Variants in TF observed in about 807,000 individuals in gnomAD.
TF encodes the protein serotransferrin.
In TF, 55 loss-of-function variants were observed where a neutral mutation model predicts 82.4. The ratio of observed to expected loss-of-function variants is 0.67; its 90% confidence interval spans 0.54 to 0.84. The LOEUF (loss-of-function observed/expected upper bound fraction) is 0.84. TF is among the 40% of genes least tolerant of loss of function. The probability of loss-of-function intolerance (pLI) is 0.00; values close to 1 mark genes in which losing one functional copy is unlikely to be tolerated. For synonymous variants in TF, 332 were observed against 332.6 expected (o/e 1.00, Z 0.02); for missense variants, 737 against 868.4 (o/e 0.85, Z 1.90).
At chr3:133,723,542 T>C in the TF span, among the ~76,000 whole-genome samples, 1 of 149,868 alleles carries the variant, frequency 6.7e-6, no homozygotes, top group Non-Finnish European at 1.5e-5. Flanking sequence ...AGAACTTCTT[T>C]CTTTTGCTTG....
At chr3:133,729,129 A>C in the TF span, among the ~76,000 whole-genome samples, 55 of 152,316 alleles carry the variant, frequency 3.6e-4, no homozygotes, top group Middle Eastern at 3.4e-3. Flanking sequence ...TTGAGGAGGC[A>C]GTCTGTCCAT....
rs546375413 is a variant in TF at position 133,788,068 on chromosome 3, G to A, written c.*9448G>A. Reference sequence around the variant, plus strand: ...GAAGACAGTTTAAGATAAACCATGTGTGTAGTTTATTCAACCCTACTGATG... The same window carrying A: ...GAAGACAGTTTAAGATAAACCATGTATGTAGTTTATTCAACCCTACTGATG... On this transcript the variant is annotated 3_prime_UTR_variant, in exon 17 of 17. Transcript: ENST00000402696. 1 of 152,322 alleles carries A rather than the reference G, an allele frequency of 6.6e-6. No individual in the cohort carries two copies. The highest frequency in any genetic ancestry group is 6.5e-5 in the Admixed American group (1 of 15,306). The allele number at this position is 152,322 out of a possible 1,614,324, so 9.4% of individuals were successfully genotyped here.
rs59182057 is a variant in TF, at chr3:133,793,499, G to GA, written c.*14886dup. On this transcript the variant is annotated 3_prime_UTR_variant, in exon 17 of 17. Coordinates refer to ENST00000402696, the MANE Select transcript of TF (RefSeq NM_001063.4). ...ATTACATGGGAAGCATTGTCAAAAA[G>GA]AAAAAAATTTAATCTTCTTCAGGTT... is the stretch of plus-strand genomic sequence containing the variant. The GA allele has an allele frequency of 1.3e-5, 2 of 151,786 alleles. No individual in the cohort carries two copies. Among genetic ancestry groups the GA allele is most frequent in the African/African-American group, 4.8e-5 (2 of 41,286 alleles). 9.4% of individuals were successfully genotyped at this position (151,786 alleles called of 1,614,324 possible).
chr3:133,667,022 C>T, the TF span, among the ~76,000 whole-genome samples: 42 of 149,614 alleles, frequency 2.8e-4, 1 homozygote, highest in African/African-American at 6.4e-4. Context: ...GGCAGCAGAG[C>T]GAGACACTGT....
In TF at chr3:133,759,284, G is replaced by C. The variant is rs564672147; in HGVS notation, c.1158G>C (p.Glu386Asp). Residue 386 changes from glutamate to aspartate, a missense_variant, in exon 9 of 17, where the codon GAG becomes GAC. Glu to Asp is a conservative substitution (Grantham distance 45). Coordinates refer to ENST00000402696, the MANE Select transcript of TF (RefSeq NM_001063.4). ...EWSVNSVGKIECVSAETTEDC... is the reference protein window; with the variant it reads ...EWSVNSVGKIDCVSAETTEDC... ...GTGTTAACAGTGTAGGGAAAATAGA[G>C]TGTGTATCAGCAGAGACCACCGAAG... is the stretch of plus-strand genomic sequence containing the variant. 1 of 1,613,774 alleles carries C rather than the reference G, an allele frequency of 6.2e-7. No individual in the cohort carries two copies. Among genetic ancestry groups the C allele is most frequent in the South Asian group, 1.1e-5 (1 of 91,036 alleles).
In TF at chr3:133,783,466, G is replaced by A. The variant is rs1259944418; in HGVS notation, c.*4846G>A. 6.6e-6 allele frequency: 1 copy of A among 151,948 alleles called. No homozygotes were observed. Among genetic ancestry groups the A allele is most frequent in the Non-Finnish European group, 1.5e-5 (1 of 67,978 alleles). 9.4% of individuals were successfully genotyped at this position (151,948 alleles called of 1,614,324 possible). A position where few individuals can be genotyped will look rare whatever the true frequency, so the allele number is the denominator to read the frequency against. ...AGTAAAAACTTTCGAAACGTATAAA[G>A]GTTTAAATATAAAATTAAAATCGTA... On this transcript the variant is annotated 3_prime_UTR_variant, in exon 17 of 17. Transcript: ENST00000402696.
At chr3:133,771,678 A>G (rs1375039024) in intron 14 of TF, among the ~76,000 whole-genome samples, 1 of 137,556 alleles carries the variant, frequency 7.3e-6, no homozygotes, top group African/African-American at 2.8e-5. Flanking sequence ...CGGAGCTTGC[A>G]GTGAGCCGAG....
chr3:133,766,005 A>G (rs41295802), intron 11 of TF, among the ~76,000 whole-genome samples: 19 of 152,350 alleles, frequency 1.2e-4, no homozygotes, highest in African/African-American at 4.3e-4. Context: ...GCTGGCTTAT[A>G]ACTTCAGTGA....
At chr3:133,711,060 G>A in the TF span, among the ~76,000 whole-genome samples, 1 of 152,244 alleles carries the variant, frequency 6.6e-6, no homozygotes, top group South Asian at 2.1e-4. Flanking sequence ...ATATCTCCTG[G>A]CTTTTATGAA....
the TF span, among the ~76,000 whole-genome samples, chr3:133,736,631 C>CAAAAAAGCAAAAAAAAAAAAAAAAA: frequency 3.1e-5 from 1 of 32,562 alleles, no homozygotes; most frequent in South Asian, 2.4e-3. Context: ...AATGGAAAGC[C>CAAAAAAGCAAAAAAAAAAAAAAAAA]AAAAAAAAAA....
the TF span, among the ~76,000 whole-genome samples, chr3:133,735,495 A>G: frequency 6.6e-6 from 1 of 152,194 alleles, no homozygotes; most frequent in African/African-American, 2.4e-5. Flanking sequence ...GGTGGGTAAT[A>G]ACAAACCCCT....
chr3:133,723,765 T>C, the TF span, among the ~76,000 whole-genome samples: 1 of 151,556 alleles, frequency 6.6e-6, no homozygotes, highest in African/African-American at 2.4e-5. Context: ...CATTAACTCG[T>C]CATTTAGCAT....
At chr3:133,726,527 A>G in the TF span, among the ~76,000 whole-genome samples, 1 of 151,944 alleles carries the variant, frequency 6.6e-6, no homozygotes, top group Non-Finnish European at 1.5e-5. Flanking sequence ...TTTATATTGC[A>G]TCTATTTGAT....
intron 13 of TF, among the ~76,000 whole-genome samples, chr3:133,768,395 G>A (rs1456484445): frequency 1.3e-5 from 2 of 152,206 alleles, no homozygotes; most frequent in Non-Finnish European, 2.9e-5. Flanking sequence ...CAGTTTAGCA[G>A]TTGTCAACGG....
chr3:133,746,054 G>A (rs1460216066), upstream of TF: 3 of 391,050 alleles, frequency 7.7e-6, no homozygotes, highest in Non-Finnish European at 1.5e-5. Flanking sequence ...GCGCAGATAG[G>A]ACTGGTGGCA....
At chr3:133,723,168 G>T in the TF span, among the ~76,000 whole-genome samples, 62,721 of 151,890 alleles carry the variant, frequency 0.41, 14,012 homozygotes, top group African/African-American at 0.58. Context: ...AATTCCCTTA[G>T]ATGTGACTTG....
Position 133,781,642 on chromosome 3 carries a change from C to T in TF, c.*3022C>T, listed in dbSNP as rs185628354. The T allele has an allele frequency of 3.0e-4, 45 of 152,154 alleles. No individual in the cohort carries two copies. Among genetic ancestry groups the T allele is most frequent in the African/African-American group, 9.6e-4 (40 of 41,536 alleles). 9.4% of individuals were successfully genotyped at this position (152,154 alleles called of 1,614,324 possible). On this transcript the variant is annotated 3_prime_UTR_variant, in exon 17 of 17. Coordinates refer to ENST00000402696, the MANE Select transcript of TF (RefSeq NM_001063.4). ...TTTAACTTGACAAAATGATACTAAT[C>T]CTCAACTAAAAAACAAAAGTGAGAC...
the TF span, among the ~76,000 whole-genome samples, chr3:133,713,754 A>T: frequency 6.6e-6 from 1 of 152,078 alleles, no homozygotes; most frequent in East Asian, 1.9e-4. Flanking sequence ...AGCAAGGTTT[A>T]TGTTGCAAGG....
upstream of TF, among the ~76,000 whole-genome samples, chr3:133,742,486 G>A (rs899425066): frequency 1.3e-5 from 2 of 152,094 alleles, no homozygotes; most frequent in African/African-American, 2.4e-5. Flanking sequence ...GAGTGAGAGC[G>A]AGTGAGCAGT....
Sources: allele counts gnomAD v4.1 joint callset (sites outside exome capture counted in the v4.1 genomes callset), GRCh38; gene constraint gnomAD v4.1.1; transcripts MANE v1.5; gene names NCBI Gene and HGNC (gene_info 2026-07-23, HGNC 2026-07-21).